The following FBXL4 variants were observed in gnomAD, a reference collection of about 807,000 sequenced individuals.
FBXL4 encodes F-box/LRR-repeat protein 4.
FBXL4 carries 40 observed loss-of-function variants against 58.9 expected under a neutral mutation model. That is an observed-to-expected ratio of 0.68 (90% CI 0.53 to 0.88). The LOEUF (loss-of-function observed/expected upper bound fraction) is 0.88, where lower values mean the gene tolerates loss of function less well. Ranked by LOEUF, FBXL4 falls within the 40% of genes least tolerant of loss-of-function variation. FBXL4 has a pLI of 0.00. For missense variants in FBXL4, 676 were observed against 734.4 expected, an observed-to-expected ratio of 0.92 and a Z score of 0.92; for synonymous variants, 263 against 265.5, an observed-to-expected ratio of 0.99 and a Z score of 0.09.
intron 4 of FBXL4, among the ~76,000 whole-genome samples, chr6:98,925,809 A>G (rs1360551056): frequency 6.6e-6 from 1 of 152,236 alleles, no homozygotes. Context: ...TTCTGGAAAG[A>G]TACAAAATGA....
At chr6:98,933,143 T>C (rs529217656) in intron 2 of FBXL4, among the ~76,000 whole-genome samples, 1 of 152,316 alleles carries the variant, frequency 6.6e-6, no homozygotes, top group Admixed American at 6.5e-5. Flanking sequence ...AAGAGGGGAA[T>C]GATAATGTGA....
intron 8 of FBXL4, among the ~76,000 whole-genome samples, chr6:98,877,391 T>A (rs1770698599): frequency 6.6e-6 from 1 of 152,214 alleles, no homozygotes; most frequent in Admixed American, 6.5e-5. Context: ...CTGGGCAATC[T>A]CAGCAGCATT....
chr6:98,919,324 C>A (rs1772490058), intron 4 of FBXL4, among the ~76,000 whole-genome samples: 1 of 152,106 alleles, frequency 6.6e-6, no homozygotes, highest in African/African-American at 2.4e-5. Flanking sequence ...GTTTCTAGAA[C>A]CTTTAAAATC....
chr6:98,903,789 C>T (rs1414226377), intron 6 of FBXL4, among the ~76,000 whole-genome samples: 1 of 152,078 alleles, frequency 6.6e-6, no homozygotes. Flanking sequence ...CAGCCATTCA[C>T]GACTAATATT....
intron 2 of FBXL4, among the ~76,000 whole-genome samples, chr6:98,931,612 G>T (rs1285410097): frequency 6.6e-6 from 1 of 152,148 alleles, no homozygotes; most frequent in Admixed American, 6.5e-5. Flanking sequence ...GTGCTATTTG[G>T]AAAATGTTAT....
chr6:98,909,776 T>A (rs1448198270), intron 5 of FBXL4, among the ~76,000 whole-genome samples: 1 of 151,924 alleles, frequency 6.6e-6, no homozygotes, highest in East Asian at 1.9e-4. Flanking sequence ...TCCTCCCTCC[T>A]CCCAGTAAAG....
chr6:98,877,113 G>T (rs1770689787), intron 8 of FBXL4, among the ~76,000 whole-genome samples: 1 of 152,078 alleles, frequency 6.6e-6, no homozygotes, highest in African/African-American at 2.4e-5. Context: ...CGACAGATTT[G>T]GGGCTGCATT....
intron 7 of FBXL4, 94 bp from the exon 8 acceptor site, chr6:98,880,718 C>T: frequency 9.6e-7 from 1 of 1,044,464 alleles, no homozygotes; most frequent in Non-Finnish European, 1.5e-6. Flanking sequence ...GCTGTCACTG[C>T]TTTTCCTGAA....
intron 7 of FBXL4, chr6:98,899,009 A>AT (rs1771506402): frequency 2.0e-6 from 2 of 985,154 alleles, no homozygotes; most frequent in Non-Finnish European, 2.4e-6. Flanking sequence ...ACCAACGCTT[A>AT]TTTTTTTTCC....
At chr6:98,934,305 C>T (rs1213785488) in intron 2 of FBXL4, among the ~76,000 whole-genome samples, 3 of 151,360 alleles carry the variant, frequency 2.0e-5, no homozygotes, top group Non-Finnish European at 2.9e-5. Flanking sequence ...AGAGAAGAGG[C>T]GGAGAATGGC....
chr6:98,927,491 T>C (rs1016008960), intron 3 of FBXL4, among the ~76,000 whole-genome samples: 12 of 152,250 alleles, frequency 7.9e-5, no homozygotes, highest in African/African-American at 1.9e-4. Flanking sequence ...CTGTTAATTA[T>C]TACTCTCTTT....
intron 1 of FBXL4, among the ~76,000 whole-genome samples, chr6:98,944,286 T>C (rs533081895): frequency 7.9e-5 from 12 of 152,168 alleles, no homozygotes; most frequent in Admixed American, 2.0e-4. Flanking sequence ...CACTAAAGAA[T>C]AGACTATGAG....
chr6:98,938,468 A>C, intron 1 of FBXL4, among the ~76,000 whole-genome samples: 1 of 152,226 alleles, frequency 6.6e-6, no homozygotes, highest in African/African-American at 2.4e-5. Context: ...GCAGTCCCTT[A>C]TAGCAAGGTA....
chr6:98,890,309 T>C (rs1771179850), intron 7 of FBXL4, among the ~76,000 whole-genome samples: 1 of 152,164 alleles, frequency 6.6e-6, no homozygotes, highest in African/African-American at 2.4e-5. Context: ...AGTGTACATA[T>C]TACAGACAAA....
At chr6:98,917,942 C>T (rs1267943355) in intron 4 of FBXL4, among the ~76,000 whole-genome samples, 3 of 152,214 alleles carry the variant, frequency 2.0e-5, no homozygotes, top group East Asian at 1.9e-4. Context: ...TCCTTTTTTA[C>T]AGATTTCACA....
In FBXL4 at chr6:98,905,585, C is replaced by A. The variant is rs534670512; in HGVS notation, c.944G>T (p.Cys315Phe). The stretch of plus-strand genomic sequence containing the variant: ...GAGGTGGATGTATTGCAGAGGATCA[C>A]AGCAATGCTGGCTCAGTAGTTTGCA... ...QTCKLLSQHC[C>F]DPLQYIHLNL... Residue 315 changes from cysteine (C) to phenylalanine (F), a missense_variant, in exon 6 of 10, where the codon TGT (cysteine) becomes TTT (phenylalanine). Transcript: ENST00000369244. 6.2e-7 allele frequency: 1 copy of A among 1,613,968 alleles called. No homozygotes were observed. The highest frequency in any genetic ancestry group is 1.1e-5 in the South Asian group (1 of 91,078).
intron 6 of FBXL4, among the ~76,000 whole-genome samples, chr6:98,904,782 T>C (rs1771736281): frequency 6.6e-6 from 1 of 152,184 alleles, no homozygotes; most frequent in East Asian, 1.9e-4. Flanking sequence ...CACCTGTTTG[T>C]ATCCTAAGAA....
At chr6:98,943,270 A>G (rs1002581755) in intron 1 of FBXL4, among the ~76,000 whole-genome samples, 1 of 152,106 alleles carries the variant, frequency 6.6e-6, no homozygotes, top group East Asian at 1.9e-4. Context: ...GTAAAACAAA[A>G]AAAAAAAGGA....
Position 98,874,236 on chromosome 6 carries a change from C to A in FBXL4, c.*42G>T. The stretch of plus-strand genomic sequence containing the variant: ...CCCAAAACCAATCCCAAAATTAAAC[C>A]CCAACAAAGCACATTAATTTTAATA... On this transcript the variant is annotated 3_prime_UTR_variant, in exon 10 of 10. Coordinates refer to ENST00000369244, the MANE Select transcript of FBXL4 (RefSeq NM_001278716.2). 3 of 1,431,942 alleles carry A rather than the reference C, an allele frequency of 2.1e-6. No homozygotes were observed. Among genetic ancestry groups the A allele is most frequent in the Non-Finnish European group, 2.8e-6 (3 of 1,082,640 alleles). The allele number at this position is 1,431,942 out of a possible 1,614,324, so 88.7% of individuals were successfully genotyped here. A position where few individuals can be genotyped will look rare whatever the true frequency, so the allele number is the denominator to read the frequency against.
Sources: gnomAD v4.1 joint callset for allele counts (sites outside exome capture counted in the v4.1 genomes callset) on GRCh38, gnomAD v4.1.1 for gene constraint, MANE v1.5 for transcripts, NCBI Gene and HGNC (gene_info 2026-07-23, HGNC 2026-07-21) for gene names.